SVIL: variants seen among roughly 807,000 people sequenced by gnomAD.
SVIL encodes the protein supervillin.
In SVIL, 101 loss-of-function variants were observed where a neutral mutation model predicts 240.4. That is an observed-to-expected ratio of 0.42 (90% CI 0.36 to 0.50). The LOEUF (loss-of-function observed/expected upper bound fraction) is 0.50. SVIL is among the 20% of genes least tolerant of loss of function. The pLI is 0.01. For synonymous variants in SVIL, 999 were observed against 1,100.0 expected (o/e 0.91, Z 1.82); for missense variants, 2,512 against 2,818.7 (o/e 0.89, Z 2.46).
intron 2 of SVIL, chr10:29,671,081 T>C (rs1311937651): frequency 6.6e-6 from 1 of 152,224 alleles, no homozygotes. Context: ...AGGCACCGAC[T>C]TCACTTTTCA....
intron 3 of SVIL, among the ~76,000 whole-genome samples, chr10:29,555,355 C>T (rs1345963142): frequency 6.6e-6 from 1 of 151,854 alleles, no homozygotes; most frequent in East Asian, 1.9e-4. Flanking sequence ...TGGACACACC[C>T]TAGGACGCAT....
At chr10:29,527,138 C>A in intron 12 of SVIL, 82 bp from the exon 13 acceptor site, 1 of 1,271,132 alleles carries the variant, frequency 7.9e-7, no homozygotes, top group Non-Finnish European at 1.1e-6. Context: ...GTTTTAAATT[C>A]AGAAACGTTA....
chr10:29,649,176 C>T (rs1224999202), intron 3 of SVIL, among the ~76,000 whole-genome samples: 1 of 151,938 alleles, frequency 6.6e-6, no homozygotes, highest in Non-Finnish European at 1.5e-5. Flanking sequence ...TAAATAAAAG[C>T]AGGGTTTCTT....
Position 29,493,372 on chromosome 10 carries a change from C to T in SVIL, c.3861G>A (p.Thr1287=), listed in dbSNP as rs1257609197. The change falls in exon 21 of 38, where the codon ACG becomes ACA. Residue 1287 remains threonine (T), a synonymous_variant. Coordinates refer to ENST00000355867, the MANE Select transcript of SVIL (RefSeq NM_021738.3). ...LNNKVGGMHE[T]VLTVTGKSVK... The stretch of plus-strand genomic sequence containing the variant: ...CAGATTTGCCGGTGACAGTGAGCAC[C>T]GTTTCGTGCATCCCGCCAACTATCA... 3.1e-6 allele frequency: 5 copies of T among 1,614,120 alleles called. No individual in the cohort carries two copies. The highest frequency in any genetic ancestry group is 1.3e-5 in the African/African-American group (1 of 75,018).
At chr10:29,505,204 C>A (rs1204247981) in intron 17 of SVIL, among the ~76,000 whole-genome samples, 1 of 152,024 alleles carries the variant, frequency 6.6e-6, no homozygotes, top group African/African-American at 2.4e-5. Flanking sequence ...CGGGCGCCTG[C>A]AATCGCAGCT....
chr10:29,733,290 G>C (rs1378517089), intron 1 of SVIL, among the ~76,000 whole-genome samples: 3 of 152,148 alleles, frequency 2.0e-5, no homozygotes, highest in African/African-American at 7.2e-5. Flanking sequence ...CTCATGGTTT[G>C]AAACCAGGAG....
At chr10:29,727,889 C>T (rs1964388320) in intron 1 of SVIL, among the ~76,000 whole-genome samples, 1 of 152,130 alleles carries the variant, frequency 6.6e-6, no homozygotes, top group African/African-American at 2.4e-5. Context: ...TGCAGCTCTA[C>T]CTCAAGGCAG....
chr10:29,724,187 T>TTA (rs1964149127), intron 1 of SVIL, among the ~76,000 whole-genome samples: 1 of 151,138 alleles, frequency 6.6e-6, no homozygotes, highest in South Asian at 2.1e-4. Context: ...CTCTCTTTTT[T>TTA]TTTTTTTCAA....
intron 6 of SVIL, among the ~76,000 whole-genome samples, chr10:29,543,967 C>A (rs1183678278): frequency 1.3e-5 from 2 of 152,128 alleles, no homozygotes; most frequent in African/African-American, 4.8e-5. Context: ...GATGCAGCAA[C>A]TGGCTGGCAG....
chr10:29,582,466 G>A (rs1955985403), intron 1 of SVIL, among the ~76,000 whole-genome samples: 1 of 152,066 alleles, frequency 6.6e-6, no homozygotes, highest in Non-Finnish European at 1.5e-5. Flanking sequence ...CCCAGGAACG[G>A]TGGCTCACAC....
intron 13 of SVIL, 118 bp from the exon 14 acceptor site, chr10:29,524,833 A>T (rs1425615174): frequency 6.6e-7 from 1 of 1,506,588 alleles, no homozygotes; most frequent in Non-Finnish European, 8.9e-7. Flanking sequence ...CTTTTTCCCT[A>T]AGCACGTCTA....
chr10:29,661,951 A>C (rs550078503), intron 2 of SVIL, among the ~76,000 whole-genome samples: 24 of 152,262 alleles, frequency 1.6e-4, no homozygotes, highest in African/African-American at 4.6e-4. Context: ...GGAGTGAGCC[A>C]CCATGCCCGG....
At chr10:29,639,583 C>G (rs1958420964), upstream of SVIL, among the ~76,000 whole-genome samples, 1 of 151,706 alleles carries the variant, frequency 6.6e-6, no homozygotes, top group Non-Finnish European at 1.5e-5. Flanking sequence ...ATTCTCCTAC[C>G]TCAGCCTCCC....
In SVIL at chr10:29,735,686, T is replaced by C. The variant is rs1444315412; in HGVS notation, c.-400+65A>G. Reference sequence around the variant, plus strand: ...CCCCGGAGCAGAGCGCAGCGGCGCGTCCTGGCGTCTGCCGGCCCCGGCTCC... The same window carrying C: ...CCCCGGAGCAGAGCGCAGCGGCGCGCCCTGGCGTCTGCCGGCCCCGGCTCC... On this transcript the variant is annotated intron_variant, in intron 1 of 35. Coordinates refer to the SVIL transcript ENST00000375400. The surrounding 1 kb of genome is among the most constrained non-coding windows in gnomAD (Gnocchi z 4.1). 6.6e-6 allele frequency: 1 copy of C among 151,428 alleles called. No homozygotes were observed. The highest frequency in any genetic ancestry group is 1.5e-5 in the Non-Finnish European group (1 of 67,938). 9.4% of individuals were successfully genotyped at this position (151,428 alleles called of 1,614,324 possible).
intron 3 of SVIL, among the ~76,000 whole-genome samples, chr10:29,560,705 G>A (rs10763722): frequency 0.36 from 54,226 of 151,740 alleles, 9,903 homozygotes; most frequent in African/African-American, 0.42. Context: ...CAAAATCATT[G>A]ATACATGTGT....
At chr10:29,694,117 G>A (rs1416661942) in intron 1 of SVIL, among the ~76,000 whole-genome samples, 1 of 149,630 alleles carries the variant, frequency 6.7e-6, no homozygotes, top group East Asian at 2.0e-4. Context: ...ACAAAGAAAG[G>A]AATAACAAAA....
chr10:29,677,697 A>G (rs928299662), intron 2 of SVIL, among the ~76,000 whole-genome samples: 1 of 152,208 alleles, frequency 6.6e-6, no homozygotes, highest in African/African-American at 2.4e-5. Flanking sequence ...CTAGGATTAC[A>G]GGCACGAGCC....
chr10:29,604,435 T>A (rs1332982088), intron 1 of SVIL, among the ~76,000 whole-genome samples: 1 of 144,402 alleles, frequency 6.9e-6, no homozygotes, highest in Non-Finnish European at 1.5e-5. Context: ...TTGGCCAGGC[T>A]GGTCTCAAAC....
intron 3 of SVIL, among the ~76,000 whole-genome samples, chr10:29,642,186 G>A (rs1476480483): frequency 6.6e-6 from 1 of 152,090 alleles, no homozygotes; most frequent in Non-Finnish European, 1.5e-5. Flanking sequence ...CTCACCTGAG[G>A]TCAGGAGTTC....
Sources: gnomAD v4.1 joint callset for allele counts (sites outside exome capture counted in the v4.1 genomes callset) on GRCh38, gnomAD v4.1.1 for gene constraint, Gnocchi (gnomAD v3.1) non-coding constraint, MANE v1.5 for transcripts, NCBI Gene and HGNC (gene_info 2026-07-23, HGNC 2026-07-21) for gene names.